TM4SF1: variants seen among roughly 807,000 people sequenced by gnomAD.
TM4SF1 encodes the protein transmembrane 4 L6 family member 1.
In TM4SF1, 20 loss-of-function variants were observed where a neutral mutation model predicts 24.5. The observed-to-expected ratio is 0.82, with a 90% CI of 0.57 to 1.19. The LOEUF is 1.19. Ranked by LOEUF, TM4SF1 falls within the 50% of genes most tolerant of loss-of-function variation. The probability of loss-of-function intolerance (pLI) is 0.00; values close to 1 mark genes in which losing one functional copy is unlikely to be tolerated. For synonymous variants in TM4SF1, 107 were observed against 95.4 expected (o/e 1.12, Z -0.71); for missense variants, 258 against 248.1 (o/e 1.04, Z -0.27).
chr3:149,369,651 T>A lies in TM4SF1; in HGVS notation c.*215A>T, dbSNP rs1731771632. 3.9e-6 allele frequency: 2 copies of A among 509,150 alleles called. No individual in the cohort carries two copies. Among genetic ancestry groups the A allele is most frequent in the Non-Finnish European group, 3.3e-6 (1 of 303,678 alleles). 31.5% of individuals were successfully genotyped at this position (509,150 alleles called of 1,614,324 possible). A position where few individuals can be genotyped will look rare whatever the true frequency, so the allele number is the denominator to read the frequency against. Reference sequence around the variant, plus strand: ...GAGGGTGGTTTGTTTCCTCATTCCTTAAAAAAAAACAAAAACAAATAAACA... The same window carrying A: ...GAGGGTGGTTTGTTTCCTCATTCCTAAAAAAAAAACAAAAACAAATAAACA... On this transcript the variant is annotated 3_prime_UTR_variant, in exon 5 of 5. Coordinates refer to ENST00000305366, the MANE Select transcript of TM4SF1 (RefSeq NM_014220.3).
rs1731761510 is a variant in TM4SF1, at chr3:149,369,197, CCTAGTA to C, written c.*663_*668del. 6.6e-6 allele frequency: 1 copy of C among 152,156 alleles called. No homozygotes were observed. Among genetic ancestry groups the C allele is most frequent in the African/African-American group, 2.4e-5 (1 of 41,394 alleles). 9.4% of individuals were successfully genotyped at this position (152,156 alleles called of 1,614,324 possible). On this transcript the variant is annotated 3_prime_UTR_variant, in exon 5 of 5. Coordinates refer to ENST00000305366, the MANE Select transcript of TM4SF1 (RefSeq NM_014220.3). ...CCTTTCTTTTTTTAAACACATGATC[CCTAGTA>C]CTCATCTTTGGAGGACAAAAGGCTT...
At chr3:149,375,086 C>T (rs879286786) in intron 3 of TM4SF1, among the ~76,000 whole-genome samples, 3 of 152,044 alleles carry the variant, frequency 2.0e-5, no homozygotes, top group Non-Finnish European at 2.9e-5. Context: ...TATTCAAAAG[C>T]ACTCTGTATT....
At chr3:149,375,889 G>C in intron 1 of TM4SF1, 120 bp from the exon 2 acceptor site, 1 of 863,530 alleles carries the variant, frequency 1.2e-6, no homozygotes, top group Non-Finnish European at 1.8e-6. Context: ...TGATTAGGTT[G>C]ACCAGATATC....
Position 149,369,057 on chromosome 3 carries a change from A to C in TM4SF1, c.*809T>G, listed in dbSNP as rs1731758426. On this transcript the variant is annotated 3_prime_UTR_variant, in exon 5 of 5. Coordinates refer to ENST00000305366, the MANE Select transcript of TM4SF1 (RefSeq NM_014220.3). Reference sequence around the variant, plus strand: ...TACTTTATTTTGTTGTAAACAAGTTAGTTTTGAGGGTATTTCCTCGTGGTC... The same window carrying C: ...TACTTTATTTTGTTGTAAACAAGTTCGTTTTGAGGGTATTTCCTCGTGGTC... The C allele has an allele frequency of 1.3e-5, 2 of 152,216 alleles. No homozygotes were observed. Among genetic ancestry groups the C allele is most frequent in the South Asian group, 4.1e-4 (2 of 4,826 alleles). The allele number at this position is 152,216 out of a possible 1,614,324, so 9.4% of individuals were successfully genotyped here. A position where few individuals can be genotyped will look rare whatever the true frequency, so the allele number is the denominator to read the frequency against.
chr3:149,370,139 G>A, intron 4 of TM4SF1: 1 of 361,536 alleles, frequency 2.8e-6, no homozygotes, highest in Non-Finnish European at 4.9e-6. Flanking sequence ...TGCTTTGAGT[G>A]CATTTGTGTG....
rs1731920170 is a variant in TM4SF1 at position 149,375,302 on chromosome 3, C to A, written c.413+141G>T. 4.7e-6 allele frequency: 5 copies of A among 1,061,160 alleles called. No individual in the cohort carries two copies. The South Asian group carries it at 8.0e-5, about 17-fold the overall frequency. 65.7% of individuals were successfully genotyped at this position (1,061,160 alleles called of 1,614,324 possible). A position where few individuals can be genotyped will look rare whatever the true frequency, so the allele number is the denominator to read the frequency against. ...CATCCTTGGATACCTATTGCCTAAA[C>A]CATGCCTGAGTCAGTGAGAATAAAC... On this transcript the variant is annotated intron_variant, in intron 3 of 4. Coordinates refer to ENST00000305366, the MANE Select transcript of TM4SF1 (RefSeq NM_014220.3).
intron 3 of TM4SF1, among the ~76,000 whole-genome samples, 199 bp downstream of exon 3, chr3:149,375,243 AT>A (rs1171580598): frequency 6.6e-6 from 1 of 152,134 alleles, no homozygotes; most frequent in Non-Finnish European, 1.5e-5. Context: ...GAAAAGAAGC[AT>A]TTAGAATTTG....
rs193237647 is a variant in TM4SF1, at chr3:149,376,385, G to A, written c.178-616C>T. On this transcript the variant is annotated intron_variant, in intron 1 of 4. Coordinates refer to ENST00000305366, the MANE Select transcript of TM4SF1 (RefSeq NM_014220.3). ...CATGATAATAATGCTTAAATTTGAG[G>A]CAGACGGGCACTGTGGCTCATGCCT... 1.5e-3 allele frequency among the ~76,000 whole-genome samples: 229 copies of A among 152,224 alleles called. 1 individual carries two copies. Among genetic ancestry groups the A allele is most frequent in the African/African-American group, 5.2e-3 (217 of 41,540 alleles).
chr3:149,374,064 G>A (rs1731894212), intron 3 of TM4SF1, among the ~76,000 whole-genome samples: 1 of 152,134 alleles, frequency 6.6e-6, no homozygotes, highest in South Asian at 2.1e-4. Flanking sequence ...GCTACCATTG[G>A]GTTATGTTTA....
rs1731980573 is a variant in TM4SF1, at chr3:149,377,381, C to T, written c.167G>A (p.Gly56Asp). 3.7e-6 allele frequency: 6 copies of T among 1,613,770 alleles called. No homozygotes were observed. Among genetic ancestry groups the T allele is most frequent in the Admixed American group, 1.7e-5 (1 of 59,986 alleles). ...FVWFFSGIVGGGLLMLLPAFV... is the reference protein window; with the variant it reads ...FVWFFSGIVGDGLLMLLPAFV... ...TCCTGAATGACTTACCAGCAGGCCA[C>T]CTCCTACGATGCCAGAAAAGAACCA... Residue 56 changes from glycine to aspartate, a missense_variant, in exon 1 of 5, where the codon GGT becomes GAT. Gly to Asp is a moderately conservative substitution (Grantham distance 94, BLOSUM62 -1). Transcript: ENST00000305366.
At chr3:149,375,378 T>C in intron 3 of TM4SF1, 65 bp downstream of exon 3, 1 of 1,580,238 alleles carries the variant, frequency 6.3e-7, no homozygotes, top group South Asian at 1.2e-5. Context: ...TCTGGTTTGA[T>C]AGAGCTGCCA....
At chr3:149,373,015 G>A (rs1374637883) in intron 3 of TM4SF1, among the ~76,000 whole-genome samples, 1 of 152,068 alleles carries the variant, frequency 6.6e-6, no homozygotes, top group African/African-American at 2.4e-5. Flanking sequence ...TATGCTGATC[G>A]GTAAACAAAA....
intron 3 of TM4SF1, among the ~76,000 whole-genome samples, chr3:149,373,004 A>G (rs1313357007): frequency 1.3e-5 from 2 of 152,178 alleles, no homozygotes; most frequent in Non-Finnish European, 2.9e-5. Flanking sequence ...AATGCAACAG[A>G]TATGCTGATC....
chr3:149,375,913 A>C (rs920005898), intron 1 of TM4SF1, 144 bp from the exon 2 acceptor site: 1 of 730,068 alleles, frequency 1.4e-6, no homozygotes, highest in Non-Finnish European at 2.3e-6. Flanking sequence ...AAGAATGTAA[A>C]CCTCTGAGGA....
intron 3 of TM4SF1, among the ~76,000 whole-genome samples, chr3:149,372,246 G>A (rs1371839753): frequency 2.0e-5 from 3 of 152,124 alleles, no homozygotes; most frequent in Non-Finnish European, 4.4e-5. Context: ...AGTAAACTAC[G>A]AGCAAATGCG....
chr3:149,371,358 C>A (rs1731815289), intron 4 of TM4SF1: 2 of 516,550 alleles, frequency 3.9e-6, no homozygotes, highest in Non-Finnish European at 6.9e-6. Flanking sequence ...TAACAGCAAA[C>A]AAAGAGCAGA....
chr3:149,370,677 T>G (rs1455424990), intron 4 of TM4SF1: 1 of 152,210 alleles, frequency 6.6e-6, no homozygotes, highest in Non-Finnish European at 1.5e-5. Flanking sequence ...AAGAAATTAT[T>G]AATCTTGCTA....
At chr3:149,369,907 G>T (rs753352374) in intron 4 of TM4SF1, 27 bp from the exon 5 acceptor site, 53 of 1,597,754 alleles carry the variant, frequency 3.3e-5, no homozygotes, top group Non-Finnish European at 4.3e-5. Flanking sequence ...ATACCATTAG[G>T]CTATAATCAG....
At chr3:149,376,834 G>A (rs899101070) in intron 1 of TM4SF1, among the ~76,000 whole-genome samples, 3 of 152,138 alleles carry the variant, frequency 2.0e-5, no homozygotes, top group Non-Finnish European at 2.9e-5. Context: ...TTCAGACACC[G>A]ACCTGCTGCT....
Sources: gnomAD v4.1 joint callset for allele counts (sites outside exome capture counted in the v4.1 genomes callset) on GRCh38, gnomAD v4.1.1 for gene constraint, MANE v1.5 for transcripts, NCBI Gene and HGNC (gene_info 2026-07-23, HGNC 2026-07-21) for gene names.